TRAP1: variants seen among roughly 807,000 people sequenced by gnomAD.
The protein encoded by TRAP1 is TNF receptor associated protein 1.
A neutral mutation model predicts 89.1 loss-of-function variants in TRAP1; 102 were observed. The ratio of observed to expected loss-of-function variants is 1.15; its 90% confidence interval spans 0.98 to 1.35. TRAP1 has a LOEUF of 1.35. Among genes scored for constraint, TRAP1 ranks in the 40% most tolerant of loss-of-function variants. The pLI, the probability that TRAP1 is intolerant of heterozygous loss-of-function variation, is 0.00. For missense variants in TRAP1, 1,256 were observed against 945.3 expected, an observed-to-expected ratio of 1.33 and a Z score of -4.31; for synonymous variants, 508 against 388.0, an observed-to-expected ratio of 1.31 and a Z score of -3.64.
chr16:3,714,296 A>T (rs2051569335), intron 1 of TRAP1, among the ~76,000 whole-genome samples: 1 of 152,222 alleles, frequency 6.6e-6, no homozygotes, highest in Non-Finnish European at 1.5e-5. Flanking sequence ...TTTGCTGAAT[A>T]AACTGTTATG....
chr16:3,679,984 C>A, intron 4 of TRAP1, 194 bp from the exon 5 acceptor site: 1 of 573,452 alleles, frequency 1.7e-6, no homozygotes, highest in Non-Finnish European at 3.2e-6. Context: ...AATCCCAGCA[C>A]TATGGGAGGC....
At chr16:3,674,695 G>T (rs2050964264) in intron 8 of TRAP1, 1 of 630,894 alleles carries the variant, frequency 1.6e-6, no homozygotes, top group Non-Finnish European at 2.7e-6. Flanking sequence ...AGGCTCTGGG[G>T]CAGGAGCTCC....
At chr16:3,674,797 G>C (rs2050966034) in intron 8 of TRAP1, 1 of 446,760 alleles carries the variant, frequency 2.2e-6, no homozygotes, top group South Asian at 2.5e-5. Context: ...GACGAATACA[G>C]TGTGGGCCGT....
At chr16:3,671,630 T>G in intron 11 of TRAP1, 92 bp downstream of exon 11, 2 of 1,413,090 alleles carry the variant, frequency 1.4e-6, no homozygotes, top group Non-Finnish European at 1.9e-6. Flanking sequence ...TGCTCTCAGC[T>G]CCATGGGCCA....
chr16:3,703,262 G>C (rs992969927), intron 1 of TRAP1, among the ~76,000 whole-genome samples: 25 of 151,034 alleles, frequency 1.7e-4, no homozygotes, highest in Non-Finnish European at 2.9e-4. Flanking sequence ...AACACTACTA[G>C]GGCCAAAGAC....
chr16:3,685,922 A>G, intron 4 of TRAP1, 74 bp downstream of exon 4: 1 of 1,541,410 alleles, frequency 6.5e-7, no homozygotes. Context: ...GGGACCCGAG[A>G]CATCACTAGA....
intron 1 of TRAP1, among the ~76,000 whole-genome samples, chr16:3,707,967 T>G (rs980527252): frequency 1.3e-5 from 2 of 151,898 alleles, no homozygotes; most frequent in African/African-American, 4.8e-5. Flanking sequence ...GGAGGATCAC[T>G]TGAGACCAGG....
Position 3,703,746 on chromosome 16 carries a change from T to G in TRAP1, c.89-12761A>C, listed in dbSNP as rs139049379. Among the ~76,000 whole-genome samples, 1,180 of 152,184 alleles carry G rather than the reference T, an allele frequency of 7.8e-3. 32 individuals are homozygous for G. The highest frequency in any genetic ancestry group is 0.026 in the African/African-American group (1,086 of 41,406). ...TTTACAAAAGTTAGGCTGGGCGCGG[T>G]GGCTTACGCCTGTAATCCCAGCACT... On this transcript the variant is annotated intron_variant, in intron 1 of 17. Transcript: ENST00000246957.
At chr16:3,697,819 G>C (rs1188309354) in intron 1 of TRAP1, among the ~76,000 whole-genome samples, 1 of 147,362 alleles carries the variant, frequency 6.8e-6, no homozygotes, top group South Asian at 2.1e-4. Flanking sequence ...AGAAGGTCTT[G>C]CTCTGTTGCC....
intron 1 of TRAP1, among the ~76,000 whole-genome samples, chr16:3,697,121 A>AT (rs2051298593): frequency 6.6e-6 from 1 of 152,216 alleles, no homozygotes; most frequent in Non-Finnish European, 1.5e-5. Context: ...ACTAAAGTGC[A>AT]TATCATCCTA....
chr16:3,658,886 G>A (rs762387769), intron 16 of TRAP1, 21 bp from the exon 17 acceptor site: 13 of 1,613,562 alleles, frequency 8.1e-6, no homozygotes, highest in African/African-American at 6.7e-5. Flanking sequence ...GAACCCACCA[G>A]AAAAAGCAGC....
rs2050827565 is a variant in TRAP1 at position 3,666,262 on chromosome 16, C to T, written c.1236-144G>A. 5.4e-6 allele frequency: 6 copies of T among 1,113,308 alleles called. No individual in the cohort carries two copies. In the Middle Eastern group the frequency reaches 8.1e-4, roughly 151 times the overall value. 69.0% of individuals were successfully genotyped at this position (1,113,308 alleles called of 1,614,324 possible). ...CCGTTATTGGCCAAACTGAAAAAGA[C>T]TGAGCAGAAAGACAGAAACCCTGGG... On this transcript the variant is annotated intron_variant, in intron 11 of 17. Transcript: ENST00000246957.
chr16:3,707,683 G>A (rs1217812647), intron 1 of TRAP1, among the ~76,000 whole-genome samples: 5 of 150,280 alleles, frequency 3.3e-5, no homozygotes, highest in South Asian at 2.1e-4. Flanking sequence ...GTGAAACCCC[G>A]TCTCTACCAA....
chr16:3,665,354 C>A (rs932581242), intron 12 of TRAP1: 1 of 152,542 alleles, frequency 6.6e-6, no homozygotes, highest in Non-Finnish European at 1.5e-5. Flanking sequence ...GAGGCAGCCA[C>A]ACCACACTGT....
intron 14 of TRAP1, 84 bp from the exon 15 acceptor site, chr16:3,663,051 T>C (rs1293333425): frequency 9.8e-7 from 1 of 1,022,324 alleles, no homozygotes; most frequent in African/African-American, 1.6e-5. Flanking sequence ...TGCTTCCAGC[T>C]CCCACCTCCT....
At chr16:3,663,376 G>T (rs1356780546) in intron 14 of TRAP1, 48 bp downstream of exon 14, 1 of 1,611,314 alleles carries the variant, frequency 6.2e-7, no homozygotes, top group African/African-American at 1.3e-5. Flanking sequence ...GGAGAGGCGT[G>T]CGGGGAGTGG....
rs1305858939 is a variant in TRAP1 at position 3,662,804 on chromosome 16, G to A, written c.1794+78C>T. On this transcript the variant is annotated intron_variant, in intron 15 of 17. Transcript: ENST00000246957. ...TGCTGGAAGGACACCCAACGGGCCA[G>A]GTACTGGGAGCCACCAGCTGGCCAG... The A allele has an allele frequency of 4.2e-6, 6 of 1,417,606 alleles. No individual in the cohort carries two copies. In the African/African-American group the frequency reaches 7.0e-5, roughly 17 times the overall value. 87.8% of individuals were successfully genotyped at this position (1,417,606 alleles called of 1,614,324 possible).
chr16:3,658,724 C>T (rs2042877109), intron 17 of TRAP1, 69 bp downstream of exon 17: 3 of 1,454,444 alleles, frequency 2.1e-6, no homozygotes, highest in African/African-American at 2.8e-5. Context: ...ACCGCTGTTC[C>T]ACCCTGAAGG....
chr16:3,658,403 A>G, intron 17 of TRAP1, 173 bp from the exon 18 acceptor site: 1 of 629,004 alleles, frequency 1.6e-6, no homozygotes, highest in Non-Finnish European at 2.8e-6. Context: ...TACAGGCGTG[A>G]GCCACCACGC....
Sources: gnomAD v4.1 joint callset for allele counts (sites outside exome capture counted in the v4.1 genomes callset) on GRCh38, gnomAD v4.1.1 for gene constraint, MANE v1.5 for transcripts, NCBI Gene and HGNC (gene_info 2026-07-23, HGNC 2026-07-21) for gene names.